Variants in DNAH5 observed in about 807,000 individuals in gnomAD.
The protein encoded by DNAH5 is dynein axonemal heavy chain 5, also known as axonemal beta dynein heavy chain 5.
Under a neutral mutation model 518.2 loss-of-function variants are expected in DNAH5, and 372 were observed. That is an observed-to-expected ratio of 0.72 (90% CI 0.66 to 0.78). DNAH5 has a LOEUF of 0.78. DNAH5 is among the 30% of genes least tolerant of loss of function. The pLI is 0.00. For synonymous variants in DNAH5, 2,039 were observed against 2,025.9 expected (o/e 1.01, Z -0.17); for missense variants, 5,523 against 5,687.0 (o/e 0.97, Z 0.93).
intron 1 of DNAH5, among the ~76,000 whole-genome samples, chr5:13,971,471 T>C (rs1343944716): frequency 6.6e-6 from 1 of 152,190 alleles, no homozygotes; most frequent in Non-Finnish European, 1.5e-5. Flanking sequence ...GCGTGCTCCC[T>C]GGATGTGGTG....
intron 30 of DNAH5, among the ~76,000 whole-genome samples, chr5:13,851,165 T>C (rs921343452): frequency 1.3e-5 from 2 of 152,260 alleles, no homozygotes; most frequent in East Asian, 3.8e-4. Context: ...CCTATTTTTA[T>C]ATTTTCTCTA....
Position 13,775,132 on chromosome 5 carries a change from T to C in DNAH5, c.9373+1307A>G, listed in dbSNP as rs575635987. Among the ~76,000 whole-genome samples the C allele has an allele frequency of 5.5e-4, 78 of 140,696 alleles. No individual in the cohort carries two copies. In the South Asian group the frequency reaches 0.016, roughly 30 times the overall value. The allele number at this position is 140,696 out of a possible 152,430, so 92.3% of individuals were successfully genotyped here. ...TTGTATTAAGAGCTACACTCCTTTT[T>C]GTTTTTTTTTTTTTTCAAATCTTAC... is the stretch of plus-strand genomic sequence containing the variant. On this transcript the variant is annotated intron_variant, in intron 55 of 78. Transcript: ENST00000265104.
At chr5:13,968,153 C>G (rs1781650835) in intron 1 of DNAH5, among the ~76,000 whole-genome samples, 1 of 152,162 alleles carries the variant, frequency 6.6e-6, no homozygotes, top group Non-Finnish European at 1.5e-5. Flanking sequence ...TATAGCAGTA[C>G]TACTGATTTG....
At position 13,853,527 on chromosome 5, in the gene DNAH5, G is replaced by A. The variant is rs577516700; in HGVS notation, c.4951-2712C>T. Among the ~76,000 whole-genome samples the A allele has an allele frequency of 7.6e-4, 116 of 152,134 alleles. 1 individual carries two copies. Among genetic ancestry groups the A allele is most frequent in the African/African-American group, 2.6e-3 (107 of 41,504 alleles). ...AAACTGGACAGAGAATGAGTTTGAC[G>A]AATTGACAGAAGTAGGCTTCAGAAG... On this transcript the variant is annotated intron_variant, in intron 30 of 78. Transcript: ENST00000265104.
intron 55 of DNAH5, among the ~76,000 whole-genome samples, chr5:13,775,133 G>GTTTT (rs34258148): frequency 9.0e-6 from 1 of 110,866 alleles, no homozygotes. Context: ...ACTCCTTTTT[G>GTTTT]TTTTTTTTTT....
chr5:13,819,603 C>T (rs1036608917), intron 41 of DNAH5, among the ~76,000 whole-genome samples: 3 of 152,026 alleles, frequency 2.0e-5, no homozygotes, highest in Non-Finnish European at 4.4e-5. Context: ...GCATTCCAAC[C>T]GTCAAGGTTC....
chr5:13,777,445 C>A, intron 53 of DNAH5, 90 bp from the exon 54 acceptor site: 1 of 1,164,138 alleles, frequency 8.6e-7, no homozygotes. Context: ...ATTTAGCTAA[C>A]AAAAAAATGC....
chr5:13,795,790 G>A (rs1381982957), intron 47 of DNAH5, among the ~76,000 whole-genome samples: 2 of 152,238 alleles, frequency 1.3e-5, no homozygotes, highest in Non-Finnish European at 2.9e-5. Flanking sequence ...ACATTGATGC[G>A]AAAATCCTCA....
intron 68 of DNAH5, among the ~76,000 whole-genome samples, chr5:13,734,488 T>C (rs1174544926): frequency 6.6e-6 from 1 of 152,208 alleles, no homozygotes; most frequent in Non-Finnish European, 1.5e-5. Context: ...CTTCAGTAGA[T>C]GCAGAATAAA....
In DNAH5 at chr5:13,920,150, T is replaced by C. The variant is rs138737221; in HGVS notation, c.798+330A>G. 4.1e-3 allele frequency among the ~76,000 whole-genome samples: 631 copies of C among 152,314 alleles called. 6 individuals are homozygous for C. The highest frequency in any genetic ancestry group is 0.014 in the African/African-American group (602 of 41,564). ...TTGTGTTTAAGGTGAAGTCTCAAGC[T>C]CCCTTTTGGAGGACATACTAAATTA... On this transcript the variant is annotated intron_variant, in intron 6 of 78. Coordinates refer to ENST00000265104, the MANE Select transcript of DNAH5 (RefSeq NM_001369.3).
chr5:13,695,670 G>A (rs138788775), intron 78 of DNAH5, among the ~76,000 whole-genome samples: 31 of 152,282 alleles, frequency 2.0e-4, no homozygotes, highest in African/African-American at 7.0e-4. Context: ...TCTGCAAAAT[G>A]AGGATGACAA....
Position 13,901,451 on chromosome 5 carries a change from C to T in DNAH5, c.1853G>A (p.Arg618Gln), listed in dbSNP as rs757056449. The change falls in exon 14 of 79, where the codon CGA becomes CAA. Residue 618 changes from arginine (R) to glutamine (Q), a missense_variant. By Grantham distance (43) the Arg-to-Gln change is conservative. This residue lies in a region of DNAH5 where 5,121 missense variants were observed against 5,223.3 expected (regional missense o/e 0.98). Coordinates refer to ENST00000265104, the MANE Select transcript of DNAH5 (RefSeq NM_001369.3). Reference protein sequence around the residue: ...TKQKYDPPLARNQPPIAGKIL... With the variant: ...TKQKYDPPLAQNQPPIAGKIL... ...CTTTCCAGCGATGGGAGGCTGGTTT[C>T]GAGCCAGAGGAGGATCGTATTTCTG... 2.5e-6 allele frequency: 4 copies of T among 1,613,922 alleles called. No individual in the cohort carries two copies. In the South Asian group the frequency reaches 3.3e-5, roughly 13 times the overall value.
intron 74 of DNAH5, among the ~76,000 whole-genome samples, chr5:13,715,561 C>A (rs1278874726): frequency 6.6e-6 from 1 of 152,148 alleles, no homozygotes. Flanking sequence ...TATATCAAAG[C>A]AACATGTAAA....
intron 15 of DNAH5, among the ~76,000 whole-genome samples, chr5:13,895,943 C>T (rs761134700): frequency 1.3e-4 from 20 of 152,016 alleles, no homozygotes; most frequent in South Asian, 4.2e-4. Context: ...CACACACATA[C>T]AGGTAATCCA....
intron 29 of DNAH5, among the ~76,000 whole-genome samples, chr5:13,861,367 A>C (rs2151903328): frequency 6.6e-6 from 1 of 152,340 alleles, no homozygotes; most frequent in South Asian, 2.1e-4. Flanking sequence ...AAATAAGAGA[A>C]ATTTTTTTGA....
intron 30 of DNAH5, among the ~76,000 whole-genome samples, chr5:13,852,090 GC>G (rs1442152424): frequency 3.6e-5 from 1 of 27,948 alleles, no homozygotes; most frequent in Non-Finnish European, 6.8e-5. Flanking sequence ...TCCCTCAGGT[GC>G]CTACCCCACA....
chr5:13,944,274 T>C, intron 1 of DNAH5, 108 bp downstream of exon 1: 1 of 1,050,072 alleles, frequency 9.5e-7, no homozygotes, highest in Admixed American at 1.7e-5. Flanking sequence ...TTCTCGCAAA[T>C]TCATCAGTGT....
intron 35 of DNAH5, among the ~76,000 whole-genome samples, chr5:13,832,649 C>A (rs1211947542): frequency 4.6e-5 from 7 of 152,192 alleles, no homozygotes; most frequent in Non-Finnish European, 8.8e-5. Flanking sequence ...AAACTCTCTG[C>A]GGTCAGGAGC....
chr5:13,810,185 C>A lies in DNAH5; in HGVS notation c.7483G>T (p.Ala2495Ser). The change falls in exon 45 of 79, where the codon GCG becomes TCG. Residue 2495 changes from alanine (A) to serine (S), a missense_variant. By Grantham distance (99) the Ala-to-Ser change is moderately conservative (BLOSUM62 1). This residue lies in a region of DNAH5 where 5,121 missense variants were observed against 5,223.3 expected (regional missense o/e 0.98). Coordinates refer to ENST00000265104, the MANE Select transcript of DNAH5 (RefSeq NM_001369.3). ...VFALLWSAGA[A>S]LELDGRRRLE... ...CGGCGCCGTCCGTCCAGCTCCAGCG[C>A]CGCCCCCGCGCTCCACAGCAGCGCG... The A allele has an allele frequency of 6.5e-7, 1 of 1,549,138 alleles. No individual in the cohort carries two copies.
Sources: allele counts gnomAD v4.1 joint callset (sites outside exome capture counted in the v4.1 genomes callset), GRCh38; gene constraint gnomAD v4.1.1; regional missense constraint gnomAD v4.1.1; transcripts MANE v1.5; gene names NCBI Gene and HGNC (gene_info 2026-07-23, HGNC 2026-07-21).